The following G3BP2 variants were observed in gnomAD, a reference collection of about 807,000 sequenced individuals.
G3BP2 encodes the protein ras GTPase-activating protein-binding protein 2.
A neutral mutation model predicts 56.7 loss-of-function variants in G3BP2; 11 were observed. The observed-to-expected ratio is 0.19, with a 90% CI of 0.12 to 0.32. The LOEUF (loss-of-function observed/expected upper bound fraction) is 0.32, where lower values mean the gene tolerates loss of function less well. Among genes scored for constraint, G3BP2 ranks in the 10% least tolerant of loss-of-function variants. The probability of loss-of-function intolerance (pLI) is 1.00; values close to 1 mark genes in which losing one functional copy is unlikely to be tolerated. For synonymous variants in G3BP2, 165 were observed against 191.6 expected (o/e 0.86, Z 1.15); for missense variants, 340 against 610.9 (o/e 0.56, Z 4.67).
At chr4:75,675,914 T>C (rs1329722647), upstream of G3BP2, among the ~76,000 whole-genome samples, 1 of 152,012 alleles carries the variant, frequency 6.6e-6, no homozygotes, top group Non-Finnish European at 1.5e-5. Flanking sequence ...CATATTCCTC[T>C]CTCTCTCGCA....
chr4:75,720,237 G>A (rs1378101167), intron 3 of G3BP2, among the ~76,000 whole-genome samples: 4 of 151,894 alleles, frequency 2.6e-5, no homozygotes, highest in South Asian at 4.2e-4. Flanking sequence ...TGAGGGCGCC[G>A]GGCGCGGTGG....
At chr4:75,675,390 T>C (rs988455595), upstream of G3BP2, among the ~76,000 whole-genome samples, 2 of 152,230 alleles carry the variant, frequency 1.3e-5, no homozygotes, top group East Asian at 1.9e-4. Context: ...AAACAGATAG[T>C]TGGGCCCCAC....
At chr4:75,690,009 C>T (rs1348558321) in intron 3 of G3BP2, among the ~76,000 whole-genome samples, 2 of 152,076 alleles carry the variant, frequency 1.3e-5, no homozygotes, top group Non-Finnish European at 2.9e-5. Flanking sequence ...TTCAGTTTGC[C>T]AATTTTTATT....
intron 10 of G3BP2, 56 bp downstream of exon 10, chr4:75,646,973 C>T (rs1353306691): frequency 2.7e-6 from 3 of 1,106,776 alleles, no homozygotes; most frequent in Non-Finnish European, 3.9e-6. Context: ...GCTCCATATG[C>T]CTCTTGCTTA....
intron 1 of G3BP2, among the ~76,000 whole-genome samples, chr4:75,668,573 A>G (rs1440532546): frequency 6.6e-6 from 1 of 152,246 alleles, no homozygotes; most frequent in Non-Finnish European, 1.5e-5. Context: ...GCCAGTCACT[A>G]CAGGTATTCC....
At chr4:75,703,476 T>C (rs890431909) in intron 3 of G3BP2, among the ~76,000 whole-genome samples, 2 of 152,178 alleles carry the variant, frequency 1.3e-5, no homozygotes, top group East Asian at 3.8e-4. Flanking sequence ...ATTTACTAAA[T>C]GTCTACAAAG....
chr4:75,695,065 A>C, intron 3 of G3BP2: 3 of 287,476 alleles, frequency 1.0e-5, no homozygotes, highest in Non-Finnish European at 1.6e-5. Flanking sequence ...GGAACTCAGC[A>C]CTGATGGGCT....
At chr4:75,658,131 C>T (rs1578392824) in intron 3 of G3BP2, among the ~76,000 whole-genome samples, 1 of 152,184 alleles carries the variant, frequency 6.6e-6, no homozygotes, top group South Asian at 2.1e-4. Flanking sequence ...AGTCTTCCTT[C>T]CCTGTTAGGC....
chr4:75,648,763 A>G, intron 8 of G3BP2, 22 bp from the exon 9 acceptor site: 1 of 1,501,418 alleles, frequency 6.7e-7, no homozygotes, highest in Non-Finnish European at 9.2e-7. Flanking sequence ...AGAAAAAAAA[A>G]CATTATAAAA....
intron 1 of G3BP2, among the ~76,000 whole-genome samples, chr4:75,671,911 G>C (rs1168354270): frequency 6.6e-6 from 1 of 152,174 alleles, no homozygotes; most frequent in Non-Finnish European, 1.5e-5. Flanking sequence ...ACATGCCTAA[G>C]GCTATATTAA....
upstream of G3BP2, chr4:75,673,475 C>T: frequency 8.1e-7 from 1 of 1,232,302 alleles, no homozygotes; most frequent in South Asian, 4.1e-5. Flanking sequence ...CCAGGGAACC[C>T]CCGAGCACAG....
In G3BP2 at chr4:75,669,422, C is replaced by T. The variant is rs569864614; in HGVS notation, c.-25+3786G>A. On this transcript the variant is annotated intron_variant, in intron 1 of 11. Transcript: ENST00000359707. ...ATTCAGAAGGTGGAATTTGTGCCCT[C>T]CTTTTCACTCCCACTGTTCAGACCT... is the stretch of plus-strand genomic sequence containing the variant. 6.4e-4 allele frequency among the ~76,000 whole-genome samples: 97 copies of T among 152,298 alleles called. 1 individual carries two copies. Among genetic ancestry groups the T allele is most frequent in the Non-Finnish European group, 9.4e-4 (64 of 68,038 alleles).
intron 3 of G3BP2, among the ~76,000 whole-genome samples, chr4:75,678,665 G>T (rs1483520077): frequency 1.3e-5 from 2 of 152,118 alleles, no homozygotes; most frequent in Non-Finnish European, 2.9e-5. Flanking sequence ...AAATAAAAAA[G>T]AATCTGGGCT....
chr4:75,698,418 C>G (rs1399005340), intron 3 of G3BP2, among the ~76,000 whole-genome samples: 3 of 152,166 alleles, frequency 2.0e-5, no homozygotes, highest in South Asian at 2.1e-4. Flanking sequence ...CTGCTGACAC[C>G]TAGAGGTTAG....
chr4:75,656,820 T>TA, intron 5 of G3BP2, 104 bp downstream of exon 5: 1 of 682,914 alleles, frequency 1.5e-6, no homozygotes, highest in South Asian at 1.7e-5. Context: ...TTGACACAGT[T>TA]ACAATAAAGC....
At chr4:75,707,405 A>C (rs1719590232) in intron 3 of G3BP2, among the ~76,000 whole-genome samples, 1 of 151,820 alleles carries the variant, frequency 6.6e-6, no homozygotes, top group Non-Finnish European at 1.5e-5. Context: ...GCGGATCACG[A>C]GGTCAGGAGA....
chr4:75,684,917 T>A (rs188266192), intron 3 of G3BP2, among the ~76,000 whole-genome samples: 80 of 152,184 alleles, frequency 5.3e-4, no homozygotes, highest in Middle Eastern at 3.4e-3. Context: ...TAATAAGTTA[T>A]CAAAATAAAG....
intron 3 of G3BP2, among the ~76,000 whole-genome samples, chr4:75,681,832 G>A (rs1396749668): frequency 7.1e-6 from 1 of 141,420 alleles, no homozygotes; most frequent in Non-Finnish European, 1.5e-5. Flanking sequence ...CTGGGCAACA[G>A]AGCAAGACTC....
chr4:75,724,104 G>GC (rs1720298416), intron 1 of G3BP2: 1 of 152,260 alleles, frequency 6.6e-6, no homozygotes, highest in Admixed American at 6.5e-5. Flanking sequence ...AAGAGCAAGA[G>GC]CTGAGAAATG....
Sources: allele counts gnomAD v4.1 joint callset (sites outside exome capture counted in the v4.1 genomes callset), GRCh38; gene constraint gnomAD v4.1.1; transcripts MANE v1.5; gene names NCBI Gene and HGNC (gene_info 2026-07-23, HGNC 2026-07-21).